Variants in BMPR2 observed in about 807,000 individuals in gnomAD.
The protein encoded by BMPR2 is bone morphogenetic protein receptor type 2, also known as bone morphogenetic protein receptor type-2.
Under a neutral mutation model 100.8 loss-of-function variants are expected in BMPR2, and 29 were observed. That is an observed-to-expected ratio of 0.29 (90% confidence interval 0.21 to 0.39). BMPR2 has a LOEUF of 0.39. Among genes scored for constraint, BMPR2 ranks in the 10% least tolerant of loss-of-function variants. The pLI is 1.00. For missense variants in BMPR2, 1,011 were observed against 1,274.5 expected (o/e 0.79, Z 3.15); for synonymous variants, 382 against 442.3 (o/e 0.86, Z 1.71).
chr2:202,414,942 A>C (rs748050800), intron 1 of BMPR2, among the ~76,000 whole-genome samples: 82 of 151,812 alleles, frequency 5.4e-4, no homozygotes, highest in Non-Finnish European at 1.0e-3. Context: ...GTTTCGCCAC[A>C]TTGTCCAGGC....
At chr2:202,430,142 A>G (rs907258363) in intron 1 of BMPR2, among the ~76,000 whole-genome samples, 5 of 152,194 alleles carry the variant, frequency 3.3e-5, no homozygotes, top group Non-Finnish European at 7.3e-5. Flanking sequence ...TCTCTCTCTT[A>G]TAAGGCCATC....
chr2:202,543,057 G>A (rs1367916302), intron 10 of BMPR2, among the ~76,000 whole-genome samples: 2 of 151,120 alleles, frequency 1.3e-5, no homozygotes, highest in Non-Finnish European at 2.9e-5. Flanking sequence ...TGTGTCTGTA[G>A]TCCCAGCTAG....
intron 3 of BMPR2, among the ~76,000 whole-genome samples, chr2:202,492,757 G>C (rs1449990566): frequency 6.7e-6 from 1 of 148,372 alleles, no homozygotes; most frequent in African/African-American, 2.5e-5. Context: ...ATCAGTGTGC[G>C]AAGTGGGAAA....
In BMPR2 at chr2:202,495,417, A is replaced by G. The variant is rs1028154827; in HGVS notation, c.419-18302A>G. 4.6e-5 allele frequency among the ~76,000 whole-genome samples: 7 copies of G among 152,108 alleles called. No individual in the cohort carries two copies. The highest frequency in any genetic ancestry group is 8.8e-5 in the Non-Finnish European group (6 of 68,034). On this transcript the variant is annotated intron_variant, in intron 3 of 12. Transcript: ENST00000374580. This position sits in a 1 kb window ranked among gnomAD's most constrained non-coding sequence, Gnocchi z 4.5. ...ACGGCCTGCCGGCGTGCGGGTGCCT[A>G]TCGTTGTGCTCTTCTGCTGGCGTGC...
intron 3 of BMPR2, among the ~76,000 whole-genome samples, chr2:202,491,954 T>C (rs1295830894): frequency 6.6e-6 from 1 of 152,212 alleles, no homozygotes. Context: ...GAAAAGTAGC[T>C]ACATTTGTTA....
chr2:202,524,050 A>C (rs1687863895), intron 7 of BMPR2, among the ~76,000 whole-genome samples: 1 of 151,834 alleles, frequency 6.6e-6, no homozygotes, highest in Non-Finnish European at 1.5e-5. Flanking sequence ...GGAGAGAGGG[A>C]GAGGGGCAAG....
At chr2:202,470,765 C>A (rs1459351985) in intron 3 of BMPR2, among the ~76,000 whole-genome samples, 1 of 131,968 alleles carries the variant, frequency 7.6e-6, no homozygotes, top group Non-Finnish European at 1.6e-5. Flanking sequence ...AGCGAGACTC[C>A]GTCTCAAAAA....
At chr2:202,459,289 A>G (rs535789177) in intron 1 of BMPR2, among the ~76,000 whole-genome samples, 21 of 152,338 alleles carry the variant, frequency 1.4e-4, no homozygotes, top group African/African-American at 4.6e-4. Flanking sequence ...TTGAATAAAA[A>G]TAGTAGAAAT....
At chr2:202,414,907 T>G (rs1476135950) in intron 1 of BMPR2, among the ~76,000 whole-genome samples, 1 of 151,948 alleles carries the variant, frequency 6.6e-6, no homozygotes, top group East Asian at 1.9e-4. Context: ...GCCCGGCTAA[T>G]TTTTGTATTT....
In BMPR2 at chr2:202,434,930, TA is replaced by T. The variant is rs1559037489; in HGVS notation, c.77-29878del. Among the ~76,000 whole-genome samples the T allele has an allele frequency of 1.4e-3, 153 of 112,424 alleles. 1 individual carries two copies. The highest frequency in any genetic ancestry group is 1.8e-3 in the African/African-American group (49 of 27,646). 73.8% of individuals were successfully genotyped at this position (112,424 alleles called of 152,430 possible). A position where few individuals can be genotyped will look rare whatever the true frequency, so the allele number is the denominator to read the frequency against. On this transcript the variant is annotated intron_variant, in intron 1 of 12. Transcript: ENST00000374580. ...AAAAATATATATATATATATATATA[TA>T]TATATTTATTTATTTATTTACGTCT...
chr2:202,487,992 G>A (rs1422718807), intron 3 of BMPR2, among the ~76,000 whole-genome samples: 1 of 152,206 alleles, frequency 6.6e-6, no homozygotes, highest in Non-Finnish European at 1.5e-5. Flanking sequence ...TTGCAGGCGT[G>A]AGCCTCCGCA....
In BMPR2 at chr2:202,438,301, G is replaced by A. The variant is rs943986725; in HGVS notation, c.77-26508G>A. Among the ~76,000 whole-genome samples, 13 of 150,358 alleles carry A rather than the reference G, an allele frequency of 8.6e-5. No homozygotes were observed. The East Asian group carries it at 1.5e-3, about 18-fold the overall frequency. ...GCACTCCAGCCTGGGCAACAAGAGC[G>A]AAACTCCGTCTCAAATAAATAAATA... On this transcript the variant is annotated intron_variant, in intron 1 of 12. Coordinates refer to ENST00000374580, the MANE Select transcript of BMPR2 (RefSeq NM_001204.7).
chr2:202,378,764 CAG>C (rs1177297754), intron 1 of BMPR2, among the ~76,000 whole-genome samples: 2 of 152,124 alleles, frequency 1.3e-5, no homozygotes, highest in Non-Finnish European at 2.9e-5. Flanking sequence ...TAGTTGCTTT[CAG>C]AGTAAAAATG....
rs185419102 is a variant in BMPR2 at position 202,389,705 on chromosome 2, G to C, written c.76+12155G>C. Among the ~76,000 whole-genome samples, 670 of 149,838 alleles carry C rather than the reference G, an allele frequency of 4.5e-3. 2 individuals carry two copies. The highest frequency in any genetic ancestry group is 0.015 in the African/African-American group (606 of 40,744). On this transcript the variant is annotated intron_variant, in intron 1 of 12. Coordinates refer to ENST00000374580, the MANE Select transcript of BMPR2 (RefSeq NM_001204.7). ...TGTCCAGGCTGGAGTGCCATGGCTC[G>C]ATCTTGGCTCACCGCAACCTCCGCC...
At chr2:202,431,357 T>C (rs1691499651) in intron 1 of BMPR2, among the ~76,000 whole-genome samples, 1 of 150,730 alleles carries the variant, frequency 6.6e-6, no homozygotes, top group African/African-American at 2.5e-5. Flanking sequence ...AATACAAACA[T>C]AGGTATGAAT....
intron 2 of BMPR2, among the ~76,000 whole-genome samples, chr2:202,465,882 T>A (rs1692311001): frequency 6.6e-6 from 1 of 152,178 alleles, no homozygotes; most frequent in Admixed American, 6.5e-5. Context: ...ACATACTGTA[T>A]AAACAATTTC....
rs774960253 is a variant in BMPR2 at position 202,377,471 on chromosome 2, A to G, written c.-4A>G. 13 of 1,614,194 alleles carry G rather than the reference A, an allele frequency of 8.1e-6. No individual in the cohort carries two copies. Among genetic ancestry groups the G allele is most frequent in the South Asian group, 2.2e-5 (2 of 91,080 alleles). On this transcript the variant is annotated 5_prime_UTR_variant, in exon 1 of 13. Coordinates refer to ENST00000374580, the MANE Select transcript of BMPR2 (RefSeq NM_001204.7). ...TGCCCTCCTGATTCTTGGCTGGCCCAGGGATGACTTCCTCGCTGCAGCGGC... is the reference window on the plus strand; with the variant it reads ...TGCCCTCCTGATTCTTGGCTGGCCCGGGGATGACTTCCTCGCTGCAGCGGC...
intron 1 of BMPR2, among the ~76,000 whole-genome samples, chr2:202,391,792 G>T (rs188614977): frequency 2.0e-5 from 3 of 149,368 alleles, no homozygotes; most frequent in African/African-American, 7.4e-5. Flanking sequence ...AGATGGAGTC[G>T]CACTCTGTCG....
rs1037824846 is a variant in BMPR2, at chr2:202,387,391, T to C, written c.76+9841T>C. 3.3e-5 allele frequency among the ~76,000 whole-genome samples: 5 copies of C among 152,226 alleles called. No individual in the cohort carries two copies. In the East Asian group the frequency reaches 9.6e-4, roughly 29 times the overall value. ...ACTGATCAGTACTATTATTTTTCTT[T>C]ATTCTGCAGATGAGTAAACTGAGTA... On this transcript the variant is annotated intron_variant, in intron 1 of 12. Coordinates refer to ENST00000374580, the MANE Select transcript of BMPR2 (RefSeq NM_001204.7).
Sources: gnomAD v4.1 joint callset for allele counts (sites outside exome capture counted in the v4.1 genomes callset) on GRCh38, gnomAD v4.1.1 for gene constraint, Gnocchi (gnomAD v3.1) non-coding constraint, MANE v1.5 for transcripts, NCBI Gene and HGNC (gene_info 2026-07-23, HGNC 2026-07-21) for gene names.